The following UPF3B variants were observed in gnomAD, a reference collection of about 807,000 sequenced individuals.
UPF3B encodes regulator of nonsense transcripts 3B.
Under a neutral mutation model 40.3 loss-of-function variants are expected in UPF3B, and 7 were observed. The observed-to-expected ratio is 0.17, with a 90% CI of 0.10 to 0.33. The LOEUF (loss-of-function observed/expected upper bound fraction) is 0.33, where lower values mean the gene tolerates loss of function less well. Among genes scored for constraint, UPF3B ranks in the 10% least tolerant of loss-of-function variants. The pLI, the probability that UPF3B is intolerant of heterozygous loss-of-function variation, is 1.00. For missense variants in UPF3B, 229 were observed against 358.9 expected (o/e 0.64, Z 2.93); for synonymous variants, 117 against 117.3 (o/e 1.00, Z 0.01).
chrX:119,806,619 A>C (rs754272019), intron 6 of UPF3B, among the ~76,000 whole-genome samples: 22 of 111,817 alleles, frequency 2.0e-4, no homozygotes, highest in African/African-American at 6.8e-4. Flanking sequence ...TGACTATTTA[A>C]ATTTTGGCAC....
At chrX:119,829,037 T>C (rs1283916219), downstream of UPF3B, among the ~76,000 whole-genome samples, 4 of 111,075 alleles carry the variant, frequency 3.6e-5, no homozygotes, top group African/African-American at 1.3e-4. Context: ...TTCTTTTTTT[T>C]CTGAGATGGA....
At chrX:119,842,434 T>C (rs972713203) in intron 5 of UPF3B, among the ~76,000 whole-genome samples, 1 of 109,328 alleles carries the variant, frequency 9.1e-6, no homozygotes, top group African/African-American at 3.3e-5. Flanking sequence ...AAATACAAAA[T>C]TGGCCGGGCG....
intron 6 of UPF3B, among the ~76,000 whole-genome samples, chrX:119,806,715 C>T (rs1422491547): frequency 9.0e-6 from 1 of 110,864 alleles, no homozygotes; most frequent in Non-Finnish European, 1.9e-5. Flanking sequence ...CAACAGTTAT[C>T]ATCAACAATG....
At chrX:119,826,033 C>T (rs997012181) in intron 3 of UPF3B, among the ~76,000 whole-genome samples, 4 of 111,503 alleles carry the variant, frequency 3.6e-5, no homozygotes, top group Middle Eastern at 4.6e-3. Context: ...TGGTGGCGCA[C>T]GCCTATAGTC....
intron 5 of UPF3B, among the ~76,000 whole-genome samples, chrX:119,842,430 A>C (rs2056171440): frequency 9.1e-6 from 1 of 110,005 alleles, no homozygotes; most frequent in African/African-American, 3.3e-5. Flanking sequence ...CTAAAAATAC[A>C]AAATTGGCCG....
At chrX:119,827,685 G>A (rs2055992598) in intron 3 of UPF3B, among the ~76,000 whole-genome samples, 1 of 110,964 alleles carries the variant, frequency 9.0e-6, no homozygotes, top group Non-Finnish European at 1.9e-5. Flanking sequence ...GCGAGCTACC[G>A]CGCCCAGCCT....
chrX:119,828,909 C>T (rs1261252014), intron 3 of UPF3B, among the ~76,000 whole-genome samples: 1 of 110,435 alleles, frequency 9.1e-6, no homozygotes, highest in African/African-American at 3.3e-5. Context: ...TTAGTAGAGA[C>T]GGGGTTTCAC....
intron 5 of UPF3B, chrX:119,807,623 T>A: frequency 5.8e-6 from 4 of 685,027 alleles, no homozygotes; most frequent in Non-Finnish European, 7.0e-6. Flanking sequence ...ACAATGCTAA[T>A]ATGCTTTAAA....
rs748174016 is a variant in UPF3B, at chrX:119,843,530, G to GA, written c.470-230dup. ...GGAATCTGGTATAACATGGGGTCAG[G>GA]AAAAATGAGACGCCATGCATTATAA... On this transcript the variant is annotated intron_variant, in intron 4 of 10. Coordinates refer to ENST00000276201, the MANE Select transcript of UPF3B (RefSeq NM_080632.3). Among the ~76,000 whole-genome samples, 3 of 111,828 alleles carry GA rather than the reference G, an allele frequency of 2.7e-5. No individual in the cohort carries two copies. The South Asian group carries it at 1.1e-3, about 42-fold the overall frequency.
At chrX:119,828,931 T>C (rs1307307552) in intron 3 of UPF3B, among the ~76,000 whole-genome samples, 1 of 110,668 alleles carries the variant, frequency 9.0e-6, no homozygotes, top group Non-Finnish European at 1.9e-5. Context: ...ATGTTGGCCA[T>C]GCTGGTTTTG....
chrX:119,817,204 G>C (rs923613883), intron 4 of UPF3B, among the ~76,000 whole-genome samples: 1 of 111,435 alleles, frequency 9.0e-6, no homozygotes, highest in Non-Finnish European at 1.9e-5. Context: ...CCTGACCTCA[G>C]GTGATCCACC....
chrX:119,839,183 C>G lies in UPF3B; in HGVS notation c.847-656G>C, dbSNP rs1482006173. 3.6e-5 allele frequency among the ~76,000 whole-genome samples: 4 copies of G among 111,924 alleles called. No homozygotes were observed. In the East Asian group the frequency reaches 1.1e-3, roughly 31 times the overall value. ...ATATAACTTAATGGGAAACAGCCCA[C>G]AAATTTTAAGTGATAGGCAGATCGT... On this transcript the variant is annotated intron_variant, in intron 8 of 10. Coordinates refer to ENST00000276201, the MANE Select transcript of UPF3B (RefSeq NM_080632.3).
At chrX:119,837,636 G>T in intron 10 of UPF3B, 121 bp downstream of exon 10, 382 of 518,973 alleles carry the variant, frequency 7.4e-4, no homozygotes, top group Non-Finnish European at 1.1e-3. Context: ...AAAAAAAAAA[G>T]TTGCAGATGA....
intron 4 of UPF3B, among the ~76,000 whole-genome samples, chrX:119,821,475 T>C (rs185356686): frequency 1.8e-5 from 2 of 112,616 alleles, no homozygotes; most frequent in Admixed American, 1.9e-4. Context: ...TCCAAGAGGC[T>C]AATACAGTAT....
At chrX:119,815,983 C>T (rs1276177385) in intron 4 of UPF3B, among the ~76,000 whole-genome samples, 5 of 111,314 alleles carry the variant, frequency 4.5e-5, no homozygotes, top group Admixed American at 2.9e-4. Flanking sequence ...GGTTTCACCA[C>T]GTAGGCCAGG....
At position 119,834,676 on chromosome X, in the gene UPF3B, A is replaced by G; in HGVS notation, c.*202T>C. ...TTTAAAATTAATTTGTAGAAATTGC[A>G]AAAGCAATGAAATTGTACTTCCAAT... On this transcript the variant is annotated 3_prime_UTR_variant, in exon 11 of 11. Transcript: ENST00000276201. 2.8e-6 allele frequency: 3 copies of G among 1,084,023 alleles called. No homozygotes were observed. The allele number at this position is 1,084,023 out of a possible 1,213,427, so 89.3% of individuals were successfully genotyped here.
chrX:119,842,908 A>G lies in UPF3B; in HGVS notation c.580+283T>C, dbSNP rs761625395. Among the ~76,000 whole-genome samples the G allele has an allele frequency of 4.5e-5, 5 of 112,262 alleles. No individual in the cohort carries two copies. In the South Asian group the frequency reaches 1.5e-3, roughly 33 times the overall value. ...ATGAACTTATTACTAGAAAATACCA[A>G]TTGACCTTCAAAGGCTTACCACTGT... On this transcript the variant is annotated intron_variant, in intron 5 of 10. Coordinates refer to ENST00000276201, the MANE Select transcript of UPF3B (RefSeq NM_080632.3).
At chrX:119,843,446 CTATT>C in intron 4 of UPF3B, 145 bp from the exon 5 acceptor site, 3 of 440,233 alleles carry the variant, frequency 6.8e-6, no homozygotes, top group Non-Finnish European at 1.2e-5. Flanking sequence ...ACAAGGTAGA[CTATT>C]TAGAGCTTAA....
At chrX:119,841,358 C>T in intron 6 of UPF3B, 100 bp from the exon 7 acceptor site, 11 of 1,161,003 alleles carry the variant, frequency 9.5e-6, no homozygotes, top group Non-Finnish European at 1.1e-5. Flanking sequence ...ATAATCTTTC[C>T]TTCCTACTTT....
Sources: allele counts gnomAD v4.1 joint callset (sites outside exome capture counted in the v4.1 genomes callset), GRCh38; gene constraint gnomAD v4.1.1; transcripts MANE v1.5; gene names NCBI Gene and HGNC (gene_info 2026-07-23, HGNC 2026-07-21).